Variants in ESRRG observed in about 807,000 individuals in gnomAD.
ESRRG encodes estrogen-related receptor gamma.
ESRRG carries 13 observed loss-of-function variants against 44.0 expected under a neutral mutation model. The ratio of observed to expected loss-of-function variants is 0.30; its 90% CI spans 0.19 to 0.47. ESRRG has a LOEUF of 0.47. Among genes scored for constraint, ESRRG ranks in the 20% least tolerant of loss-of-function variants. The probability of loss-of-function intolerance (pLI) is 1.00; values close to 1 mark genes in which losing one functional copy is unlikely to be tolerated. For missense variants in ESRRG, 395 were observed against 580.6 expected (o/e 0.68, Z 3.29); for synonymous variants, 215 against 214.6 (o/e 1.00, Z -0.02).
intron 3 of ESRRG, among the ~76,000 whole-genome samples, chr1:216,570,203 C>T (rs181424649): frequency 6.6e-6 from 1 of 152,240 alleles, no homozygotes; most frequent in African/African-American, 2.4e-5. Context: ...GTGTAAATAA[C>T]ATCAGGAGAC....
chr1:216,858,577 C>G (rs1367972695), intron 2 of ESRRG, among the ~76,000 whole-genome samples: 1 of 152,186 alleles, frequency 6.6e-6, no homozygotes, highest in Non-Finnish European at 1.5e-5. Flanking sequence ...CATATTTACT[C>G]AGCAAGATTT....
intron 2 of ESRRG, among the ~76,000 whole-genome samples, chr1:216,908,337 C>T (rs1417999322): frequency 3.3e-5 from 5 of 152,166 alleles, no homozygotes; most frequent in African/African-American, 1.2e-4. Context: ...TTGGCAATTA[C>T]AGAGCATGTC....
chr1:217,026,653 C>G lies in ESRRG; in HGVS notation c.-106+62854G>C, dbSNP rs912858488. ...GTGTAGCCTTTCCTGGCAAATCTGC[C>G]TAAGGGATTAGTCACCCCCCAAAAG... On this transcript the variant is annotated intron_variant, in intron 1 of 7. Transcript: ENST00000359162. 3.3e-5 allele frequency among the ~76,000 whole-genome samples: 5 copies of G among 152,048 alleles called. No homozygotes were observed. The East Asian group carries it at 7.7e-4, about 24-fold the overall frequency.
At chr1:216,973,377 A>G (rs2072121051) in intron 1 of ESRRG, among the ~76,000 whole-genome samples, 1 of 152,034 alleles carries the variant, frequency 6.6e-6, no homozygotes, top group Non-Finnish European at 1.5e-5. Context: ...CATACCACTC[A>G]GTCCCCTTCC....
chr1:216,702,491 G>T (rs1260513935), intron 1 of ESRRG, among the ~76,000 whole-genome samples: 1 of 151,946 alleles, frequency 6.6e-6, no homozygotes, highest in Non-Finnish European at 1.5e-5. Context: ...AGCCAGGTGT[G>T]GTGGCTCATG....
At chr1:217,042,281 C>T (rs2083988764) in intron 1 of ESRRG, among the ~76,000 whole-genome samples, 1 of 152,104 alleles carries the variant, frequency 6.6e-6, no homozygotes, top group African/African-American at 2.4e-5. Flanking sequence ...AAATGAGTCA[C>T]TAAAATTTCC....
At chr1:217,081,963 A>T (rs2091799171) in intron 1 of ESRRG, among the ~76,000 whole-genome samples, 1 of 152,214 alleles carries the variant, frequency 6.6e-6, no homozygotes, top group Non-Finnish European at 1.5e-5. Context: ...TTGTTTCCAA[A>T]GTCAGTCACT....
chr1:217,022,703 G>A (rs188515560), intron 1 of ESRRG, among the ~76,000 whole-genome samples: 2 of 152,286 alleles, frequency 1.3e-5, no homozygotes, highest in Admixed American at 1.3e-4. Flanking sequence ...GAGTAAAATG[G>A]CCCTTCTAGG....
chr1:216,680,628 A>G (rs76462465), intron 1 of ESRRG, among the ~76,000 whole-genome samples: 30 of 152,294 alleles, frequency 2.0e-4, no homozygotes, highest in African/African-American at 7.0e-4. Flanking sequence ...GTGACACCTA[A>G]ACAGAATCTC....
intron 2 of ESRRG, among the ~76,000 whole-genome samples, chr1:216,761,981 A>G (rs1178282691): frequency 6.6e-6 from 1 of 152,142 alleles, no homozygotes; most frequent in Non-Finnish European, 1.5e-5. Context: ...AACAATAACA[A>G]TAGTCATACC....
At chr1:216,791,590 A>G (rs1354056315) in intron 2 of ESRRG, among the ~76,000 whole-genome samples, 1 of 152,140 alleles carries the variant, frequency 6.6e-6, no homozygotes, top group Non-Finnish European at 1.5e-5. Flanking sequence ...TTCATCATCA[A>G]TACATTGGAG....
At chr1:217,005,639 C>A (rs1474948133) in intron 1 of ESRRG, among the ~76,000 whole-genome samples, 3 of 151,948 alleles carry the variant, frequency 2.0e-5, no homozygotes, top group African/African-American at 7.2e-5. Context: ...CCAAAGATAA[C>A]CTCACATTTA....
At chr1:216,708,854 C>T (rs2082970209) in intron 1 of ESRRG, among the ~76,000 whole-genome samples, 1 of 152,076 alleles carries the variant, frequency 6.6e-6, no homozygotes, top group Non-Finnish European at 1.5e-5. Flanking sequence ...GAAAATGTGG[C>T]ACATATACAC....
At chr1:216,857,359 T>A (rs1455584648) in intron 2 of ESRRG, among the ~76,000 whole-genome samples, 1 of 147,580 alleles carries the variant, frequency 6.8e-6, no homozygotes, top group East Asian at 2.0e-4. Flanking sequence ...AACCACCCTT[T>A]GGGAAAAAAA....
chr1:217,001,194 G>A lies in ESRRG; in HGVS notation c.-105-61521C>T, dbSNP rs182950828. Among the ~76,000 whole-genome samples, 19 of 152,252 alleles carry A rather than the reference G, an allele frequency of 1.2e-4. No individual in the cohort carries two copies. In the South Asian group the frequency reaches 1.5e-3, roughly 12 times the overall value. On this transcript the variant is annotated intron_variant, in intron 1 of 7. Transcript: ENST00000359162. ...ACTATAATACACCTTAGTGGAAGCT[G>A]CCTTCTTTTCTTCGGTTCTTTTTTT...
chr1:216,524,822 A>G (rs531275429), intron 5 of ESRRG, among the ~76,000 whole-genome samples: 17 of 152,322 alleles, frequency 1.1e-4, no homozygotes, highest in African/African-American at 4.1e-4. Flanking sequence ...GGCAGAAGTG[A>G]CCACCTTCCA....
chr1:216,514,362 T>C (rs978026025), intron 6 of ESRRG, among the ~76,000 whole-genome samples: 2 of 152,132 alleles, frequency 1.3e-5, no homozygotes, highest in African/African-American at 4.8e-5. Context: ...ATAGTATTAC[T>C]TATGGTTTGT....
chr1:216,532,104 A>C (rs1214266848), intron 5 of ESRRG, among the ~76,000 whole-genome samples: 1 of 151,896 alleles, frequency 6.6e-6, no homozygotes. Flanking sequence ...ACAACAGTCC[A>C]AAATGAAAGG....
intron 2 of ESRRG, among the ~76,000 whole-genome samples, chr1:216,893,800 A>G (rs996851676): frequency 5.9e-5 from 9 of 152,214 alleles, no homozygotes; most frequent in Non-Finnish European, 1.2e-4. Flanking sequence ...AGTAAAATAA[A>G]TGTAAACTTT....
Sources: allele counts gnomAD v4.1 joint callset (sites outside exome capture counted in the v4.1 genomes callset), GRCh38; gene constraint gnomAD v4.1.1; transcripts MANE v1.5; gene names NCBI Gene and HGNC (gene_info 2026-07-23, HGNC 2026-07-21).